GPR157: variants seen among roughly 807,000 people sequenced by gnomAD.
GPR157 encodes the protein G protein-coupled receptor 157.
Under a neutral mutation model 23.5 loss-of-function variants are expected in GPR157, and 16 were observed. That is an observed-to-expected ratio of 0.68 (90% CI 0.46 to 1.04). GPR157 has a LOEUF of 1.04. Ranked by LOEUF, GPR157 falls within the 50% of genes least tolerant of loss-of-function variation. The probability of loss-of-function intolerance (pLI) is 0.00; values close to 1 mark genes in which losing one functional copy is unlikely to be tolerated. For missense variants in GPR157, 440 were observed against 460.7 expected, an observed-to-expected ratio of 0.96 and a Z score of 0.41; for synonymous variants, 200 against 221.5, an observed-to-expected ratio of 0.90 and a Z score of 0.86.
At chr1:9,125,088 G>A (rs556635825) in intron 1 of GPR157, among the ~76,000 whole-genome samples, 1 of 152,292 alleles carries the variant, frequency 6.6e-6, no homozygotes, top group South Asian at 2.1e-4. Context: ...GGAACAAAGA[G>A]AGAGCCCCAT....
At chr1:9,109,689 C>T (rs1390156533) in intron 2 of GPR157, among the ~76,000 whole-genome samples, 2 of 152,184 alleles carry the variant, frequency 1.3e-5, no homozygotes, top group African/African-American at 4.8e-5. Flanking sequence ...CTACTGCACC[C>T]AGTCCAAAAA....
chr1:9,123,002 C>T lies in GPR157; in HGVS notation c.383+5643G>A, dbSNP rs976086171. Among the ~76,000 whole-genome samples, 10 of 150,806 alleles carry T rather than the reference C, an allele frequency of 6.6e-5. No homozygotes were observed. In the East Asian group the frequency reaches 7.8e-4, roughly 12 times the overall value. ...TGAAACCCCATCTCTACTAAAAATA[C>T]CAAATTAGCCAGGCATGGTGGCGCA... On this transcript the variant is annotated intron_variant, in intron 1 of 3. Coordinates refer to ENST00000377411, the MANE Select transcript of GPR157 (RefSeq NM_024980.5).
At chr1:9,107,181 T>C (rs1638362783) in intron 2 of GPR157, among the ~76,000 whole-genome samples, 1 of 152,134 alleles carries the variant, frequency 6.6e-6, no homozygotes, top group Admixed American at 6.5e-5. Context: ...GGGCCTGCTG[T>C]ACCCCCAGCC....
At chr1:9,113,957 ACAC>A (rs1638573526) in intron 1 of GPR157, among the ~76,000 whole-genome samples, 1 of 13,022 alleles carries the variant, frequency 7.7e-5, no homozygotes, top group African/African-American at 2.7e-4. Context: ...AAAAAACCAA[ACAC>A]ACACACACAC....
chr1:9,127,915 A>G (rs1428438938), intron 1 of GPR157, among the ~76,000 whole-genome samples: 1 of 152,192 alleles, frequency 6.6e-6, no homozygotes. Flanking sequence ...GACCCTCTTC[A>G]GCGAGGCTTA....
intron 2 of GPR157, among the ~76,000 whole-genome samples, chr1:9,107,621 C>T (rs1247499833): frequency 6.6e-6 from 1 of 151,704 alleles, no homozygotes; most frequent in African/African-American, 2.4e-5. Context: ...CCCGACTCTA[C>T]TAAAAATACA....
Position 9,114,345 on chromosome 1 carries a change from A to AAAG in GPR157, c.384-2857_384-2856insCTT, listed in dbSNP as rs1553174869. On this transcript the variant is annotated intron_variant, in intron 1 of 3. Coordinates refer to ENST00000377411, the MANE Select transcript of GPR157 (RefSeq NM_024980.5). ...CTGTCTCAAAAAAAAAAAAAAAAAA[A>AAAG]GTAATCGGCTCTTCAAGTGCCACCA... is the stretch of plus-strand genomic sequence containing the variant. 4.5e-3 allele frequency among the ~76,000 whole-genome samples: 672 copies of AAAG among 150,814 alleles called. 5 individuals are homozygous for AAAG. The highest frequency in any genetic ancestry group is 7.2e-3 in the Non-Finnish European group (488 of 67,610).
Position 9,103,742 on chromosome 1 carries a change from GA to G in GPR157, c.*676del, listed in dbSNP as rs1455194320. On this transcript the variant is annotated 3_prime_UTR_variant, in exon 4 of 4. Coordinates refer to ENST00000377411, the MANE Select transcript of GPR157 (RefSeq NM_024980.5). ...GGAGTGTGGATTCTGGCCTGTGCTT[GA>G]CACTCAAACCCAAGCTACGGCAAGG... 6.6e-6 allele frequency: 1 copy of G among 152,348 alleles called. No homozygotes were observed. Among genetic ancestry groups the G allele is most frequent in the Non-Finnish European group, 1.5e-5 (1 of 68,168 alleles). The allele number at this position is 152,348 out of a possible 1,614,324, so 9.4% of individuals were successfully genotyped here. A position where few individuals can be genotyped will look rare whatever the true frequency, so the allele number is the denominator to read the frequency against.
intron 2 of GPR157, 41 bp downstream of exon 2, chr1:9,111,235 C>G: frequency 1.9e-6 from 3 of 1,579,242 alleles, no homozygotes; most frequent in Non-Finnish European, 2.6e-6. Flanking sequence ...CTGGGCACAG[C>G]GGCCATGCAG....
In GPR157 at chr1:9,118,656, AT is replaced by A. The variant is rs1340149318; in HGVS notation, c.384-7168del. 2.6e-5 allele frequency among the ~76,000 whole-genome samples: 4 copies of A among 152,180 alleles called. No homozygotes were observed. Among genetic ancestry groups the A allele is most frequent in the African/African-American group, 4.8e-5 (2 of 41,440 alleles). ...CCCCAGAACCTCAGAATGTGAGTGTATTTGAGAGATAGGGTCTTTCAAGAGG... is the reference window on the plus strand; with the variant it reads ...CCCCAGAACCTCAGAATGTGAGTGTATTGAGAGATAGGGTCTTTCAAGAGG... On this transcript the variant is annotated intron_variant, in intron 1 of 3. Coordinates refer to ENST00000377411, the MANE Select transcript of GPR157 (RefSeq NM_024980.5). This position sits in a 1 kb window ranked among gnomAD's most constrained non-coding sequence, Gnocchi z 4.6.
rs6694515 is a variant in GPR157, at chr1:9,101,560, C to T, written c.*2859G>A. 98,002 of 152,206 alleles carry T rather than the reference C, an allele frequency of 0.64. 32,460 individuals carry two copies. Among genetic ancestry groups the T allele is most frequent in the East Asian group, 0.93 (4,799 of 5,184 alleles). The allele number at this position is 152,206 out of a possible 1,614,324, so 9.4% of individuals were successfully genotyped here. On this transcript the variant is annotated 3_prime_UTR_variant, in exon 4 of 4. Transcript: ENST00000377411. ...TGGTCACCACCATTCACAGTGATCACTCATCTGTGGCAAGAGGTGGGCAGC... is the reference window on the plus strand; with the variant it reads ...TGGTCACCACCATTCACAGTGATCATTCATCTGTGGCAAGAGGTGGGCAGC...
In GPR157 at chr1:9,120,522, C is replaced by T. The variant is rs1207104288; in HGVS notation, c.383+8123G>A. On this transcript the variant is annotated intron_variant, in intron 1 of 3. Transcript: ENST00000377411. The surrounding 1 kb of genome is among the most constrained non-coding windows in gnomAD (Gnocchi z 4.1). The stretch of plus-strand genomic sequence containing the variant: ...GGGAGTGAGGCCTGGTGAGAGGCTG[C>T]CTGGAGGTTTCTTCCCTGGGAACAA... 6.6e-6 allele frequency among the ~76,000 whole-genome samples: 1 copy of T among 152,154 alleles called. No homozygotes were observed. The highest frequency in any genetic ancestry group is 1.9e-4 in the East Asian group (1 of 5,202).
chr1:9,128,564 A>G lies in GPR157; in HGVS notation c.383+81T>C. On this transcript the variant is annotated intron_variant, in intron 1 of 3. Transcript: ENST00000377411. This position sits in a 1 kb window ranked among gnomAD's most constrained non-coding sequence, Gnocchi z 6.3. ...TGTGGGTAGGGGGTGTCCAACCTAG[A>G]CGCGGCCTCTGGGAGGGCAAGACCG... 1 of 1,362,098 alleles carries G rather than the reference A, an allele frequency of 7.3e-7. No homozygotes were observed. The highest frequency in any genetic ancestry group is 1.0e-6 in the Non-Finnish European group (1 of 969,010). The allele number at this position is 1,362,098 out of a possible 1,614,324, so 84.4% of individuals were successfully genotyped here. A position where few individuals can be genotyped will look rare whatever the true frequency, so the allele number is the denominator to read the frequency against.
intron 1 of GPR157, among the ~76,000 whole-genome samples, chr1:9,124,860 GATGTT>G (rs1381864532): frequency 6.6e-6 from 1 of 152,186 alleles, no homozygotes; most frequent in Admixed American, 6.5e-5. Flanking sequence ...TCTGCATACA[GATGTT>G]ATGTTAAAGA....
Position 9,120,763 on chromosome 1 carries a change from C to T in GPR157, c.383+7882G>A, listed in dbSNP as rs1638781716. ...GGATGGGCAGCCTGAGTTCTCACAC[C>T]TCCTGCCAAGTTGCTGGTGCTCAGC... On this transcript the variant is annotated intron_variant, in intron 1 of 3. Coordinates refer to ENST00000377411, the MANE Select transcript of GPR157 (RefSeq NM_024980.5). The surrounding 1 kb of genome is among the most constrained non-coding windows in gnomAD (Gnocchi z 4.1). 6.6e-6 allele frequency among the ~76,000 whole-genome samples: 1 copy of T among 152,234 alleles called. No homozygotes were observed. The highest frequency in any genetic ancestry group is 1.5e-5 in the Non-Finnish European group (1 of 68,032).
At chr1:9,108,314 G>C (rs1473818558) in intron 2 of GPR157, among the ~76,000 whole-genome samples, 1 of 152,170 alleles carries the variant, frequency 6.6e-6, no homozygotes, top group Non-Finnish European at 1.5e-5. Flanking sequence ...CCTAGCTAGA[G>C]GCAACTAGCA....
Position 9,111,438 on chromosome 1 carries a change from A to C in GPR157, c.435T>G (p.Ile145Met), listed in dbSNP as rs1312381946. Reference protein sequence around the residue: ...ITVAAVALKKIGYDASDVSVG... With the variant: ...ITVAAVALKKMGYDASDVSVG... Reference sequence around the variant, plus strand: ...CAGACACGTCCGAGGCGTCATAGCCAATCTTCTTCAGGGCGACGGCTGCCA... The same window carrying C: ...CAGACACGTCCGAGGCGTCATAGCCCATCTTCTTCAGGGCGACGGCTGCCA... Residue 145 changes from isoleucine (I) to methionine (M), a missense_variant, in exon 2 of 4, where the codon ATT (isoleucine) becomes ATG (methionine). By Grantham distance (10) the Ile-to-Met change is conservative (BLOSUM62 1). Transcript: ENST00000377411. 7.4e-6 allele frequency: 12 copies of C among 1,614,004 alleles called. No homozygotes were observed. The African/African-American group carries it at 1.5e-4, about 20-fold the overall frequency.
At chr1:9,109,079 ATTTTTT>A (rs35405293) in intron 2 of GPR157, among the ~76,000 whole-genome samples, 4 of 121,922 alleles carry the variant, frequency 3.3e-5, no homozygotes, top group South Asian at 2.6e-4. Flanking sequence ...CCCGGCCCTA[ATTTTTT>A]TTTTTTTTTT....
At chr1:9,115,283 A>G (rs1248754706) in intron 1 of GPR157, among the ~76,000 whole-genome samples, 1 of 152,238 alleles carries the variant, frequency 6.6e-6, no homozygotes, top group Non-Finnish European at 1.5e-5. Context: ...GATGTGAAGC[A>G]TACAATTTAT....
Sources: gnomAD v4.1 joint callset for allele counts (sites outside exome capture counted in the v4.1 genomes callset) on GRCh38, gnomAD v4.1.1 for gene constraint, Gnocchi (gnomAD v3.1) non-coding constraint, MANE v1.5 for transcripts, NCBI Gene and HGNC (gene_info 2026-07-23, HGNC 2026-07-21) for gene names.